LRP4: variants seen among roughly 807,000 people sequenced by gnomAD.
LRP4 encodes LDL receptor related protein 4.
In LRP4, 95 loss-of-function variants were observed where a neutral mutation model predicts 220.3. The ratio of observed to expected loss-of-function variants is 0.43; its 90% CI spans 0.37 to 0.51. The LOEUF (loss-of-function observed/expected upper bound fraction) is 0.51, where lower values mean the gene tolerates loss of function less well. Among genes scored for constraint, LRP4 ranks in the 20% least tolerant of loss-of-function variants. The probability of loss-of-function intolerance (pLI) is 0.00; values close to 1 mark genes in which losing one functional copy is unlikely to be tolerated. For synonymous variants in LRP4, 903 were observed against 954.6 expected, an observed-to-expected ratio of 0.95 and a Z score of 1.00; for missense variants, 1,925 against 2,567.0, an observed-to-expected ratio of 0.75 and a Z score of 5.40.
intron 21 of LRP4, 41 bp downstream of exon 21, chr11:46,879,085 G>A (rs201911390): frequency 6.8e-6 from 11 of 1,614,118 alleles, no homozygotes; most frequent in Admixed American, 3.3e-5. Context: ...TAGGGCATAG[G>A]AGGGCCACGG....
chr11:46,895,754 C>T, intron 10 of LRP4, 130 bp downstream of exon 10: 1 of 1,316,628 alleles, frequency 7.6e-7, no homozygotes, highest in South Asian at 1.2e-5. Flanking sequence ...ATGATCCCCA[C>T]CTCCTAGGGT....
At chr11:46,903,306 C>A (rs771904394) in intron 1 of LRP4, among the ~76,000 whole-genome samples, 2 of 152,058 alleles carry the variant, frequency 1.3e-5, no homozygotes, top group Non-Finnish European at 2.9e-5. Flanking sequence ...CCATCGTGGG[C>A]AACATAGTGA....
intron 1 of LRP4, among the ~76,000 whole-genome samples, chr11:46,912,439 C>T (rs1405168473): frequency 2.6e-5 from 4 of 152,184 alleles, no homozygotes; most frequent in Non-Finnish European, 5.9e-5. Flanking sequence ...TTTATTGGCT[C>T]TGGGAGCCTG....
At chr11:46,915,196 A>G (rs1941929645) in intron 1 of LRP4, among the ~76,000 whole-genome samples, 1 of 152,258 alleles carries the variant, frequency 6.6e-6, no homozygotes. Context: ...AAGCACCATG[A>G]CAACCCTGGT....
chr11:46,895,602 A>G (rs1158047145), intron 10 of LRP4, among the ~76,000 whole-genome samples: 1 of 152,154 alleles, frequency 6.6e-6, no homozygotes, highest in Non-Finnish European at 1.5e-5. Flanking sequence ...AATAAAAAAT[A>G]AAAAAGAAGA....
At position 46,900,510 on chromosome 11, in the gene LRP4, C is replaced by T. The variant is rs1261343972; in HGVS notation, c.200-132G>A. On this transcript the variant is annotated intron_variant, in intron 2 of 37. Coordinates refer to ENST00000378623, the MANE Select transcript of LRP4 (RefSeq NM_002334.4). The stretch of plus-strand genomic sequence containing the variant: ...TTTTTGAGACCGAGTCTTACTCTGT[C>T]ACCCAGGTTGGAGTACAGTGGCGCA... 5.7e-6 allele frequency: 4 copies of T among 698,856 alleles called. No individual in the cohort carries two copies. The African/African-American group carries it at 7.0e-5, about 12-fold the overall frequency. The allele number at this position is 698,856 out of a possible 1,614,324, so 43.3% of individuals were successfully genotyped here.
chr11:46,867,700 A>T (rs1330395544), intron 34 of LRP4, among the ~76,000 whole-genome samples: 1 of 152,126 alleles, frequency 6.6e-6, no homozygotes, highest in Non-Finnish European at 1.5e-5. Context: ...ACCTCAAGTG[A>T]TCCACCCGCC....
At chr11:46,864,949 A>T (rs1257570085) in intron 35 of LRP4, among the ~76,000 whole-genome samples, 170 bp downstream of exon 35, 1 of 152,258 alleles carries the variant, frequency 6.6e-6, no homozygotes, top group Non-Finnish European at 1.5e-5. Flanking sequence ...AAAGCATACC[A>T]TAAGCTGTCA....
At chr11:46,876,338 G>T in intron 25 of LRP4, 128 bp downstream of exon 25, 2 of 1,038,026 alleles carry the variant, frequency 1.9e-6, no homozygotes, top group South Asian at 1.3e-5. Flanking sequence ...CAAGAGAGTG[G>T]AAGAGCCCCA....
Position 46,858,425 on chromosome 11 carries a change from C to G in LRP4, c.*558G>C. The G allele has an allele frequency of 5.7e-6, 1 of 176,192 alleles. No homozygotes were observed. Among genetic ancestry groups the G allele is most frequent in the Non-Finnish European group, 1.2e-5 (1 of 80,350 alleles). 10.9% of individuals were successfully genotyped at this position (176,192 alleles called of 1,614,324 possible). On this transcript the variant is annotated 3_prime_UTR_variant, in exon 38 of 38. Coordinates refer to ENST00000378623, the MANE Select transcript of LRP4 (RefSeq NM_002334.4). ...ACCCAGATCCAACTACCCCCCAAAG[C>G]TTTTTCATGTTACTAACACACTTGA...
intron 1 of LRP4, among the ~76,000 whole-genome samples, chr11:46,917,199 T>C (rs1440775804): frequency 6.6e-6 from 1 of 152,198 alleles, no homozygotes; most frequent in Non-Finnish European, 1.5e-5. Context: ...CGAGCTGTCC[T>C]ACGTGAAAGA....
At chr11:46,902,660 G>T in intron 2 of LRP4, 123 bp downstream of exon 2, 1 of 1,123,822 alleles carries the variant, frequency 8.9e-7, no homozygotes, top group Non-Finnish European at 1.3e-6. Context: ...TATCAAGCTT[G>T]CAAAAGACCA....
chr11:46,886,694 C>T (rs1256287555), intron 16 of LRP4, among the ~76,000 whole-genome samples, 161 bp from the exon 17 acceptor site: 1 of 152,238 alleles, frequency 6.6e-6, no homozygotes, highest in Non-Finnish European at 1.5e-5. Flanking sequence ...TTAAGCACTG[C>T]CATGCTAGCA....
At chr11:46,897,032 T>TTTCAGCCTGAAATTCTC in intron 7 of LRP4, 38 bp from the exon 8 acceptor site, 1 of 1,613,604 alleles carries the variant, frequency 6.2e-7, no homozygotes, top group South Asian at 1.1e-5. Context: ...GTGGGCCCCA[T>TTTCAGCCTGAAATTCTC]TTCAGCCTGA....
At chr11:46,895,834 C>T (rs2134852823) in intron 10 of LRP4, 50 bp downstream of exon 10, 1 of 1,604,088 alleles carries the variant, frequency 6.2e-7, no homozygotes, top group East Asian at 2.2e-5. Context: ...TGCCTGTCTG[C>T]TGCCCCTGCT....
chr11:46,872,944 G>A (rs1028139267), intron 30 of LRP4, 156 bp downstream of exon 30: 4 of 1,118,010 alleles, frequency 3.6e-6, no homozygotes, highest in Admixed American at 1.7e-5. Context: ...TTTAGCAATC[G>A]CTGCTCTAAG....
chr11:46,898,144 A>C (rs886681061), intron 7 of LRP4, among the ~76,000 whole-genome samples: 3 of 151,244 alleles, frequency 2.0e-5, no homozygotes, highest in Admixed American at 6.6e-5. Flanking sequence ...CTGGCCGGGC[A>C]GAGGGGCTCC....
chr11:46,900,171 G>A, intron 3 of LRP4, 91 bp downstream of exon 3: 1 of 1,057,020 alleles, frequency 9.5e-7, no homozygotes, highest in Admixed American at 1.7e-5. Flanking sequence ...AAACACAAGG[G>A]CTCATGTGGA....
At chr11:46,882,568 T>C (rs1565787945) in intron 19 of LRP4, among the ~76,000 whole-genome samples, 1 of 151,928 alleles carries the variant, frequency 6.6e-6, no homozygotes, top group Admixed American at 6.6e-5. Flanking sequence ...AAGAACAACA[T>C]AGGCCAGGTG....
Sources: gnomAD v4.1 joint callset for allele counts (sites outside exome capture counted in the v4.1 genomes callset) on GRCh38, gnomAD v4.1.1 for gene constraint, MANE v1.5 for transcripts, NCBI Gene and HGNC (gene_info 2026-07-23, HGNC 2026-07-21) for gene names.